PHF11: variants seen among roughly 807,000 people sequenced by gnomAD.
PHF11 encodes the protein PHD finger protein 11, also known as BRCA1 C-terminus-associated protein.
In PHF11, 38 loss-of-function variants were observed where a neutral mutation model predicts 40.5. The ratio of observed to expected loss-of-function variants is 0.94; its 90% confidence interval spans 0.72 to 1.23. PHF11 has a LOEUF of 1.23. Among genes scored for constraint, PHF11 ranks in the 50% most tolerant of loss-of-function variants. PHF11 has a pLI of 0.00. For missense variants in PHF11, 369 were observed against 392.4 expected, an observed-to-expected ratio of 0.94 and a Z score of 0.50; for synonymous variants, 127 against 138.2, an observed-to-expected ratio of 0.92 and a Z score of 0.57.
chr13:49,511,343 T>TTTTTG (rs398022716), intron 2 of PHF11, among the ~76,000 whole-genome samples: 2 of 148,812 alleles, frequency 1.3e-5, no homozygotes, highest in Non-Finnish European at 3.0e-5. Flanking sequence ...TTTTTTTTTT[T>TTTTTG]GAGACGGAGT....
intron 4 of PHF11, among the ~76,000 whole-genome samples, chr13:49,520,195 C>T (rs1323580918): frequency 2.0e-5 from 3 of 152,148 alleles, no homozygotes; most frequent in African/African-American, 7.2e-5. Context: ...TCTACAGGCA[C>T]GTGCCACCAT....
At chr13:49,496,591 A>C (rs1958814963) in intron 1 of PHF11, 1 of 289,594 alleles carries the variant, frequency 3.5e-6, no homozygotes, top group East Asian at 1.8e-4. Flanking sequence ...CCGGCCCTCT[A>C]CTTGAGTGGG....
At chr13:49,506,077 C>A (rs1426047652) in intron 1 of PHF11, among the ~76,000 whole-genome samples, 1 of 151,882 alleles carries the variant, frequency 6.6e-6, no homozygotes, top group South Asian at 2.1e-4. Flanking sequence ...TATTTAAATT[C>A]CTGGTTGTGT....
chr13:49,524,142 A>G lies in PHF11; in HGVS notation c.695A>G (p.Tyr232Cys). ...TGCAAGGAAGCAGGACTTCTTAATT[A>G]CTTACTTGAAGAAATATTAGACAAA... is the stretch of plus-strand genomic sequence containing the variant. ...KKCKEAGLLNYLLEEILDKVH... is the reference protein window; with the variant it reads ...KKCKEAGLLNCLLEEILDKVH... Residue 232 changes from tyrosine (Y) to cysteine (C), a missense_variant, in exon 8 of 10, where the codon TAC becomes TGC. Tyr to Cys is a radical substitution (Grantham distance 194). Coordinates refer to ENST00000378319, the MANE Select transcript of PHF11 (RefSeq NM_001040443.3). 6.2e-7 allele frequency: 1 copy of G among 1,603,914 alleles called. No homozygotes were observed. Among genetic ancestry groups the G allele is most frequent in the Non-Finnish European group, 8.5e-7 (1 of 1,171,604 alleles).
chr13:49,508,173 T>A (rs940169669), intron 2 of PHF11, among the ~76,000 whole-genome samples: 1 of 147,874 alleles, frequency 6.8e-6, no homozygotes, highest in African/African-American at 2.5e-5. Flanking sequence ...TGTATTAATA[T>A]ATTATTAATG....
chr13:49,528,388 C>G, intron 9 of PHF11, 123 bp from the exon 10 acceptor site: 1 of 672,670 alleles, frequency 1.5e-6, no homozygotes, highest in Non-Finnish European at 2.5e-6. Flanking sequence ...GCTCTGGATC[C>G]TTTTCACCAG....
chr13:49,520,933 T>G lies in PHF11; in HGVS notation c.498T>G (p.Ala166=). Residue 166 remains alanine (A), a synonymous_variant, in exon 5 of 10, where the codon GCT becomes GCG. Transcript: ENST00000378319. ...AACATGCTCAATTCCCGATCATCGCTCAAAGTGGTAAGTTTCTAAAATTTA... is the reference window on the plus strand; with the variant it reads ...AACATGCTCAATTCCCGATCATCGCGCAAAGTGGTAAGTTTCTAAAATTTA... ...CQQHAQFPII[A]QSAKFSGVKR... 2 of 1,582,280 alleles carry G rather than the reference T, an allele frequency of 1.3e-6. No homozygotes were observed. The highest frequency in any genetic ancestry group is 1.7e-6 in the Non-Finnish European group (2 of 1,156,774).
At position 49,496,612 on chromosome 13, in the gene PHF11, G is replaced by C. The variant is rs114451499; in HGVS notation, c.94+517G>C. ...CTCTACTTGAGTGGGTGGGTCTTCTGATGGGTTCCTGCCCTTGCGTGTGTG... is the reference window on the plus strand; with the variant it reads ...CTCTACTTGAGTGGGTGGGTCTTCTCATGGGTTCCTGCCCTTGCGTGTGTG... On this transcript the variant is annotated intron_variant, in intron 1 of 9. Transcript: ENST00000378319. 8.9e-3 allele frequency: 1,712 copies of C among 192,058 alleles called. 26 individuals are homozygous for C. Among genetic ancestry groups the C allele is most frequent in the African/African-American group, 0.038 (1,592 of 42,198 alleles). 11.9% of individuals were successfully genotyped at this position (192,058 alleles called of 1,614,324 possible). A position where few individuals can be genotyped will look rare whatever the true frequency, so the allele number is the denominator to read the frequency against.
chr13:49,504,169 G>C (rs912511930), intron 1 of PHF11, among the ~76,000 whole-genome samples: 3 of 152,106 alleles, frequency 2.0e-5, no homozygotes, highest in African/African-American at 7.2e-5. Flanking sequence ...ATGCTCTCAG[G>C]CTGGGTGCAG....
rs779191902 is a variant in PHF11, at chr13:49,524,180, C to T, written c.733C>T (p.Pro245Ser). 1 of 1,609,384 alleles carries T rather than the reference C, an allele frequency of 6.2e-7. No homozygotes were observed. Among genetic ancestry groups the T allele is most frequent in the Admixed American group, 1.7e-5 (1 of 59,842 alleles). The change falls in exon 8 of 10, where the codon CCA becomes TCA. Residue 245 changes from proline to serine, a missense_variant. Coordinates refer to ENST00000378319, the MANE Select transcript of PHF11 (RefSeq NM_001040443.3). Reference protein sequence around the residue: ...EEILDKVHSIPEKLMDETTSE... With the variant: ...EEILDKVHSISEKLMDETTSE... ...AATATTAGACAAAGTTCATTCAATTCCAGAAAAACTCATGGATGAGACTAC... is the reference window on the plus strand; with the variant it reads ...AATATTAGACAAAGTTCATTCAATTTCAGAAAAACTCATGGATGAGACTAC...
intron 1 of PHF11, among the ~76,000 whole-genome samples, 158 bp from the exon 2 acceptor site, chr13:49,506,477 A>G (rs1404521295): frequency 6.6e-6 from 1 of 152,180 alleles, no homozygotes; most frequent in African/African-American, 2.4e-5. Context: ...TAAAAAATAA[A>G]TAGCTTTTTC....
chr13:49,522,107 G>A lies in PHF11; in HGVS notation c.570G>A (p.Gln190=), dbSNP rs765094976. ...AACCCCTCTCAGGCAATCATGTACAGGTAATTTGACTTAGTTTTTATAGCT... is the reference window on the plus strand; with the variant it reads ...AACCCCTCTCAGGCAATCATGTACAAGTAATTTGACTTAGTTTTTATAGCT... ...RKKPLSGNHV[Q]PPETMKCNTF... is the part of the protein sequence containing the mutation. Residue 190 remains glutamine, a splice_region_variant and synonymous_variant, in exon 6 of 10, where the codon CAG becomes CAA. Transcript: ENST00000378319. 5 of 1,519,698 alleles carry A rather than the reference G, an allele frequency of 3.3e-6. No homozygotes were observed. Among genetic ancestry groups the A allele is most frequent in the East Asian group, 2.3e-5 (1 of 44,224 alleles). 94.1% of individuals were successfully genotyped at this position (1,519,698 alleles called of 1,614,324 possible).
intron 3 of PHF11, 68 bp from the exon 4 acceptor site, chr13:49,517,950 T>C (rs2139063023): frequency 1.2e-6 from 1 of 868,894 alleles, no homozygotes; most frequent in South Asian, 1.8e-5. Context: ...TAACATTTAA[T>C]GATATCTTTG....
intron 6 of PHF11, among the ~76,000 whole-genome samples, chr13:49,522,324 A>G (rs1959192291): frequency 6.6e-6 from 1 of 152,228 alleles, no homozygotes; most frequent in Non-Finnish European, 1.5e-5. Context: ...CCTAGATGAT[A>G]GAATCATGAT....
chr13:49,505,108 T>C (rs201510288), intron 1 of PHF11, among the ~76,000 whole-genome samples: 1 of 76,026 alleles, frequency 1.3e-5, no homozygotes, highest in Non-Finnish European at 2.9e-5. Context: ...AAATAAAAAA[T>C]AAATAAAAAA....
In PHF11 at chr13:49,521,396, G is replaced by C. The variant is rs999487694; in HGVS notation, c.505+456G>C. The stretch of plus-strand genomic sequence containing the variant: ...TGGGGTATACTTTCATTCATGAGTG[G>C]AACAGCAGTGTCTTAGCAGCACTAC... On this transcript the variant is annotated intron_variant, in intron 5 of 9. Coordinates refer to ENST00000378319, the MANE Select transcript of PHF11 (RefSeq NM_001040443.3). The C allele has an allele frequency of 3.5e-5, 35 of 987,560 alleles. No individual in the cohort carries two copies. The Middle Eastern group carries it at 1.6e-3, about 44-fold the overall frequency. 61.2% of individuals were successfully genotyped at this position (987,560 alleles called of 1,614,324 possible).
intron 4 of PHF11, among the ~76,000 whole-genome samples, chr13:49,519,516 C>G (rs534015477): frequency 2.6e-5 from 4 of 152,090 alleles, no homozygotes; most frequent in African/African-American, 9.6e-5. Flanking sequence ...TGAATTTAAA[C>G]CTTCATGCCT....
In PHF11 at chr13:49,496,106, C is replaced by A; in HGVS notation, c.94+11C>A. 2 of 283,050 alleles carry A rather than the reference C, an allele frequency of 7.1e-6. No individual in the cohort carries two copies. The highest frequency in any genetic ancestry group is 1.0e-5 in the Non-Finnish European group (2 of 197,684). The allele number at this position is 283,050 out of a possible 1,614,324, so 17.5% of individuals were successfully genotyped here. On this transcript the variant is annotated intron_variant, in intron 1 of 9. Coordinates refer to ENST00000378319, the MANE Select transcript of PHF11 (RefSeq NM_001040443.3). ...TCCTCCTTCCCACCGGTGTGTACCGCGGGGGCGGGCGGGCGGGCGGGCGGG... is the reference window on the plus strand; with the variant it reads ...TCCTCCTTCCCACCGGTGTGTACCGAGGGGGCGGGCGGGCGGGCGGGCGGG...
intron 5 of PHF11, chr13:49,521,378 TAC>T: frequency 6.1e-6 from 6 of 988,128 alleles, no homozygotes; most frequent in Non-Finnish European, 7.2e-6. Context: ...TCATGGGGTA[TAC>T]TTTCATTCAT....
Sources: gnomAD v4.1 joint callset for allele counts (sites outside exome capture counted in the v4.1 genomes callset) on GRCh38, gnomAD v4.1.1 for gene constraint, MANE v1.5 for transcripts, NCBI Gene and HGNC (gene_info 2026-07-23, HGNC 2026-07-21) for gene names.